Variants in PHF20 observed in about 807,000 individuals in gnomAD.
PHF20 encodes PHD finger protein 20, also known as glioma-expressed antigen 2.
Under a neutral mutation model 113.5 loss-of-function variants are expected in PHF20, and 23 were observed. The ratio of observed to expected loss-of-function variants is 0.20; its 90% confidence interval spans 0.15 to 0.29. PHF20 has a LOEUF of 0.29. Among genes scored for constraint, PHF20 ranks in the 10% least tolerant of loss-of-function variants. PHF20 has a pLI of 1.00. For missense variants in PHF20, 943 were observed against 1,219.6 expected (o/e 0.77, Z 3.38); for synonymous variants, 434 against 457.3 (o/e 0.95, Z 0.65).
chr20:35,917,720 A>C, intron 13 of PHF20, 58 bp downstream of exon 13: 1 of 1,460,868 alleles, frequency 6.8e-7, no homozygotes, highest in Non-Finnish European at 9.4e-7. Flanking sequence ...CTTGGAGGGA[A>C]TTTTGAGGCC....
intron 2 of PHF20, among the ~76,000 whole-genome samples, chr20:35,841,503 G>A (rs1435531872): frequency 6.6e-6 from 1 of 151,930 alleles, no homozygotes; most frequent in African/African-American, 2.4e-5. Context: ...TGGGCACGGT[G>A]GCTCATGCCT....
At position 35,783,939 on chromosome 20, in the gene PHF20, C is replaced by T. The variant is rs113288601; in HGVS notation, c.-33+11860C>T. Among the ~76,000 whole-genome samples, 883 of 150,904 alleles carry T rather than the reference C, an allele frequency of 5.9e-3. 8 individuals carry two copies. The highest frequency in any genetic ancestry group is 0.02 in the African/African-American group (829 of 41,224). On this transcript the variant is annotated intron_variant, in intron 1 of 17. Transcript: ENST00000374012. The stretch of plus-strand genomic sequence containing the variant: ...GGCGGAGGTTGTGGTGAGCCGAGAT[C>T]GTGCCATTGCACTCTAGCCTGGGCA...
At chr20:35,789,240 G>A (rs1449322504) in intron 1 of PHF20, among the ~76,000 whole-genome samples, 5 of 152,014 alleles carry the variant, frequency 3.3e-5, no homozygotes, top group Admixed American at 3.3e-4. Flanking sequence ...GGCCAACATG[G>A]TGAAACTAGA....
At chr20:35,832,458 AAC>A (rs1397646096) in intron 2 of PHF20, among the ~76,000 whole-genome samples, 1 of 152,196 alleles carries the variant, frequency 6.6e-6, no homozygotes, top group East Asian at 1.9e-4. Flanking sequence ...GCAGGCCATA[AAC>A]ACAAACAAAT....
At chr20:35,908,846 C>T (rs1050274983) in intron 10 of PHF20, among the ~76,000 whole-genome samples, 1 of 152,150 alleles carries the variant, frequency 6.6e-6, no homozygotes, top group African/African-American at 2.4e-5. Flanking sequence ...TCATTGCTGG[C>T]ATATAGAAAA....
At chr20:35,932,617 G>C (rs1252147366) in intron 15 of PHF20, among the ~76,000 whole-genome samples, 2 of 142,048 alleles carry the variant, frequency 1.4e-5, no homozygotes, top group African/African-American at 5.2e-5. Flanking sequence ...TTTTAGTAGA[G>C]ACAGGGTTTC....
rs1216336561 is a variant in PHF20 at position 35,947,951 on chromosome 20, A to G, written c.*324A>G. 4.5e-6 allele frequency: 1 copy of G among 223,092 alleles called. No individual in the cohort carries two copies. The highest frequency in any genetic ancestry group is 2.3e-5 in the African/African-American group (1 of 44,334). The allele number at this position is 223,092 out of a possible 1,614,324, so 13.8% of individuals were successfully genotyped here. ...ATGATAAACGGAATGAGAGCCAAAA[A>G]AGTTTAGTTGGAGACAGTTGTAAAT... On this transcript the variant is annotated 3_prime_UTR_variant, in exon 18 of 18. Coordinates refer to ENST00000374012, the MANE Select transcript of PHF20 (RefSeq NM_016436.5).
intron 1 of PHF20, among the ~76,000 whole-genome samples, chr20:35,779,605 T>C (rs2378407): frequency 0.98 from 149,021 of 151,740 alleles, 73,232 homozygotes; most frequent in Middle Eastern, 1. Context: ...CTGCAACCTC[T>C]GTCTCCTGGG....
chr20:35,942,972 C>T (rs1340148586), intron 17 of PHF20, among the ~76,000 whole-genome samples: 6 of 151,976 alleles, frequency 3.9e-5, no homozygotes, highest in African/African-American at 1.2e-4. Context: ...TACAGGTGCC[C>T]GCCACCAGGC....
chr20:35,787,155 CTAATTATT>C (rs1205487616), intron 1 of PHF20, among the ~76,000 whole-genome samples: 23 of 105,626 alleles, frequency 2.2e-4, no homozygotes, highest in African/African-American at 7.5e-4. Context: ...CTGTGCCTGG[CTAATTATT>C]TATTTATTTA....
intron 2 of PHF20, among the ~76,000 whole-genome samples, chr20:35,807,665 A>G (rs766759987): frequency 1.3e-5 from 2 of 152,002 alleles, no homozygotes; most frequent in Non-Finnish European, 2.9e-5. Context: ...ATCTTTATAT[A>G]TATATTTTTT....
At chr20:35,806,154 T>A (rs1383643517) in intron 2 of PHF20, among the ~76,000 whole-genome samples, 1 of 149,470 alleles carries the variant, frequency 6.7e-6, no homozygotes, top group East Asian at 1.9e-4. Flanking sequence ...TGAGCCACCA[T>A]GCCTGGCATT....
chr20:35,948,160 C>G lies in PHF20; in HGVS notation c.*533C>G, dbSNP rs1176509945. ...AGCAGAGTCTTGGCTGCCCTGCTTTCTCCTTAGGACTCTTCACTTTTCTCA... is the reference window on the plus strand; with the variant it reads ...AGCAGAGTCTTGGCTGCCCTGCTTTGTCCTTAGGACTCTTCACTTTTCTCA... On this transcript the variant is annotated 3_prime_UTR_variant, in exon 18 of 18. Transcript: ENST00000374012. 1 of 156,100 alleles carries G rather than the reference C, an allele frequency of 6.4e-6. No individual in the cohort carries two copies. The highest frequency in any genetic ancestry group is 2.4e-5 in the African/African-American group (1 of 41,458). 9.7% of individuals were successfully genotyped at this position (156,100 alleles called of 1,614,324 possible). A position where few individuals can be genotyped will look rare whatever the true frequency, so the allele number is the denominator to read the frequency against.
Position 35,949,283 on chromosome 20 carries a change from C to G in PHF20, c.*1656C>G, listed in dbSNP as rs2056137866. On this transcript the variant is annotated 3_prime_UTR_variant, in exon 18 of 18. Transcript: ENST00000374012. ...GTGCATGGCATGCACGTTCAGACAG[C>G]TGCATTGTAAGAGTTCTGTCATGCA... The G allele has an allele frequency of 6.6e-6, 1 of 152,436 alleles. No individual in the cohort carries two copies. The highest frequency in any genetic ancestry group is 6.5e-5 in the Admixed American group (1 of 15,280). 9.4% of individuals were successfully genotyped at this position (152,436 alleles called of 1,614,324 possible). A position where few individuals can be genotyped will look rare whatever the true frequency, so the allele number is the denominator to read the frequency against.
chr20:35,893,982 G>T (rs372246222), intron 9 of PHF20, among the ~76,000 whole-genome samples: 1 of 152,166 alleles, frequency 6.6e-6, no homozygotes, highest in East Asian at 1.9e-4. Context: ...GAACAAGCTT[G>T]GTACTATCCT....
intron 2 of PHF20, among the ~76,000 whole-genome samples, chr20:35,804,249 T>G (rs1341015429): frequency 6.9e-6 from 1 of 144,538 alleles, no homozygotes; most frequent in African/African-American, 2.6e-5. Flanking sequence ...TTTTTTTTTT[T>G]TTGAGACGTA....
In PHF20 at chr20:35,869,456, A is replaced by C; in HGVS notation, c.827A>C (p.Gln276Pro). 2 of 1,603,344 alleles carry C rather than the reference A, an allele frequency of 1.2e-6. No individual in the cohort carries two copies. Among genetic ancestry groups the C allele is most frequent in the South Asian group, 1.1e-5 (1 of 89,670 alleles). Residue 276 changes from glutamine to proline, a missense_variant, in exon 7 of 18, where the codon CAA (glutamine) becomes CCA (proline). This residue lies in a region of PHF20 where 592 missense variants were observed against 787.2 expected (regional missense o/e 0.75). Coordinates refer to ENST00000374012, the MANE Select transcript of PHF20 (RefSeq NM_016436.5). The stretch of plus-strand genomic sequence containing the variant: ...ATGGTAGCTGTGGATTCAAACTCTC[A>C]AACTTTGCAACCAATAACATTGGAA... ...IAPTAVDSNS[Q>P]TLQPITLELR...
chr20:35,847,238 C>G, intron 3 of PHF20, 112 bp from the exon 4 acceptor site: 1 of 652,194 alleles, frequency 1.5e-6, no homozygotes, highest in African/African-American at 1.8e-5. Flanking sequence ...AGCTACTTTC[C>G]CTTCACACTT....
chr20:35,857,348 T>C (rs1362079582), intron 4 of PHF20, among the ~76,000 whole-genome samples: 1 of 152,166 alleles, frequency 6.6e-6, no homozygotes, highest in Non-Finnish European at 1.5e-5. Flanking sequence ...TTAAGGTTTT[T>C]AGCAGGGACG....
Sources: allele counts gnomAD v4.1 joint callset (sites outside exome capture counted in the v4.1 genomes callset), GRCh38; gene constraint gnomAD v4.1.1; regional missense constraint gnomAD v4.1.1; transcripts MANE v1.5; gene names NCBI Gene and HGNC (gene_info 2026-07-23, HGNC 2026-07-21).